The following TLN2 variants were observed in gnomAD, a reference collection of about 807,000 sequenced individuals.
The protein encoded by TLN2 is talin 2.
In TLN2, 118 loss-of-function variants were observed where a neutral mutation model predicts 294.7. That is an observed-to-expected ratio of 0.40 (90% CI 0.34 to 0.47). The LOEUF (loss-of-function observed/expected upper bound fraction) is 0.47, where lower values mean the gene tolerates loss of function less well. Among genes scored for constraint, TLN2 ranks in the 20% least tolerant of loss-of-function variants. TLN2 has a pLI of 0.84. For missense variants in TLN2, 3,083 were observed against 3,282.2 expected, an observed-to-expected ratio of 0.94 and a Z score of 1.48; for synonymous variants, 1,431 against 1,304.5, an observed-to-expected ratio of 1.10 and a Z score of -2.09.
intron 12 of TLN2, among the ~76,000 whole-genome samples, chr15:62,691,062 A>AG (rs1444987828): frequency 0.012 from 91 of 7,516 alleles, no homozygotes; most frequent in African/African-American, 0.043. Context: ...GGGGGAGGGG[A>AG]GGGGGAGGGG....
At chr15:62,729,699 A>G (rs1168945674) in intron 28 of TLN2, among the ~76,000 whole-genome samples, 1 of 152,056 alleles carries the variant, frequency 6.6e-6, no homozygotes, top group Non-Finnish European at 1.5e-5. Flanking sequence ...GTGGTGTAAC[A>G]ATCTTTTTCT....
Position 62,792,512 on chromosome 15 carries a change from C to T in TLN2, c.5737-129C>T, listed in dbSNP as rs375357293. The T allele has an allele frequency of 7.9e-6, 10 of 1,258,896 alleles. No individual in the cohort carries two copies. In the East Asian group the frequency reaches 1.9e-4, roughly 24 times the overall value. The allele number at this position is 1,258,896 out of a possible 1,614,324, so 78.0% of individuals were successfully genotyped here. The stretch of plus-strand genomic sequence containing the variant: ...AATTCCATACTTCACCAAACACAGA[C>T]TCCTAATAGGAGTGGAATTTTCCTA... On this transcript the variant is annotated intron_variant, in intron 45 of 58. Coordinates refer to ENST00000636159, the MANE Select transcript of TLN2 (RefSeq NM_015059.3).
chr15:62,577,080 G>A (rs1379094181), intron 1 of TLN2, among the ~76,000 whole-genome samples: 1 of 152,238 alleles, frequency 6.6e-6, no homozygotes, highest in Non-Finnish European at 1.5e-5. Context: ...TATGATGGCT[G>A]TAACTTTATT....
chr15:62,609,150 C>A (rs1283611937), intron 2 of TLN2, among the ~76,000 whole-genome samples: 1 of 152,018 alleles, frequency 6.6e-6, no homozygotes, highest in Non-Finnish European at 1.5e-5. Flanking sequence ...TGTTACACAG[C>A]CTTAAAAAAA....
intron 42 of TLN2, among the ~76,000 whole-genome samples, chr15:62,776,243 C>T (rs963748920): frequency 6.6e-6 from 1 of 152,164 alleles, no homozygotes; most frequent in African/African-American, 2.4e-5. Flanking sequence ...TGCATTTCTC[C>T]AACCTCATGG....
intron 40 of TLN2, 86 bp downstream of exon 40, chr15:62,763,781 A>G (rs960330061): frequency 1.1e-5 from 16 of 1,439,996 alleles, no homozygotes; most frequent in African/African-American, 1.4e-5. Flanking sequence ...TAGAGGTTGT[A>G]GGGCCAAAAT....
At chr15:62,810,331 G>A (rs560071013) in intron 52 of TLN2, among the ~76,000 whole-genome samples, 3 of 152,138 alleles carry the variant, frequency 2.0e-5, no homozygotes, top group South Asian at 2.1e-4. Flanking sequence ...CAAAGTGGGC[G>A]GGCGGCCAGT....
intron 2 of TLN2, among the ~76,000 whole-genome samples, chr15:62,603,144 G>T (rs1284055998): frequency 6.6e-6 from 1 of 151,882 alleles, no homozygotes; most frequent in Non-Finnish European, 1.5e-5. Flanking sequence ...CACCTGCCTC[G>T]GCCTCCCACA....
At chr15:62,579,260 G>A (rs1295858543) in intron 1 of TLN2, among the ~76,000 whole-genome samples, 1 of 152,154 alleles carries the variant, frequency 6.6e-6, no homozygotes, top group Non-Finnish European at 1.5e-5. Context: ...AATACATCAG[G>A]TGGCAATTTT....
chr15:62,546,407 C>A (rs2041996561), intron 1 of TLN2, among the ~76,000 whole-genome samples: 1 of 152,158 alleles, frequency 6.6e-6, no homozygotes, highest in African/African-American at 2.4e-5. Flanking sequence ...GATTGAACAG[C>A]AACTATTTGG....
chr15:62,784,011 T>G (rs1442766771), intron 45 of TLN2, 121 bp downstream of exon 45: 1 of 1,523,960 alleles, frequency 6.6e-7, no homozygotes, highest in Non-Finnish European at 8.9e-7. Flanking sequence ...GAGCCCAGTT[T>G]ATTTCCCCAC....
At chr15:62,741,419 G>A (rs1292556667) in intron 32 of TLN2, among the ~76,000 whole-genome samples, 1 of 152,172 alleles carries the variant, frequency 6.6e-6, no homozygotes, top group Non-Finnish European at 1.5e-5. Context: ...AGGGCCACAA[G>A]TTAGTTCAGT....
At chr15:62,672,549 C>T (rs1433370324) in intron 9 of TLN2, among the ~76,000 whole-genome samples, 3 of 152,140 alleles carry the variant, frequency 2.0e-5, no homozygotes, top group Admixed American at 1.3e-4. Context: ...TTATTTTGTT[C>T]TCTCTTTTTC....
chr15:62,769,269 C>G (rs776148861), intron 41 of TLN2, among the ~76,000 whole-genome samples: 1 of 152,252 alleles, frequency 6.6e-6, no homozygotes, highest in African/African-American at 2.4e-5. Flanking sequence ...GTGCTCCGTT[C>G]CCTTTGGTGG....
intron 45 of TLN2, among the ~76,000 whole-genome samples, chr15:62,787,693 CTTTTTTTTT>C (rs71672889): frequency 1.5e-5 from 1 of 65,562 alleles, no homozygotes; most frequent in African/African-American, 5.4e-5. Context: ...AACTCCTTAT[CTTTTTTTTT>C]TTTTTTTTTT....
rs748731251 is a variant in TLN2, at chr15:62,753,920, A to C, written c.4476+4A>C. The C allele has an allele frequency of 6.3e-7, 1 of 1,589,208 alleles. No individual in the cohort carries two copies. The highest frequency in any genetic ancestry group is 2.3e-5 in the East Asian group (1 of 43,802). Reference sequence around the variant, plus strand: ...CCCTGGCAGCAGCCCATCACAGGTAACTGTTGGGGAGGATGTAAGATTTCA... The same window carrying C: ...CCCTGGCAGCAGCCCATCACAGGTACCTGTTGGGGAGGATGTAAGATTTCA... On this transcript the variant is annotated splice_donor_region_variant and intron_variant, in intron 36 of 58. Coordinates refer to ENST00000636159, the MANE Select transcript of TLN2 (RefSeq NM_015059.3).
intron 1 of TLN2, among the ~76,000 whole-genome samples, chr15:62,455,474 A>G (rs1083869): frequency 0.43 from 64,854 of 151,946 alleles, 14,034 homozygotes; most frequent in East Asian, 0.71. Flanking sequence ...GGGCACCGCA[A>G]TGTATGGGGA....
intron 2 of TLN2, among the ~76,000 whole-genome samples, chr15:62,600,141 A>G (rs77464097): frequency 0.078 from 11,895 of 152,150 alleles, 595 homozygotes; most frequent in East Asian, 0.16. Flanking sequence ...ACTGAAAACA[A>G]CAGTGGGTTA....
chr15:62,462,253 C>T (rs2036851086), intron 1 of TLN2, among the ~76,000 whole-genome samples: 2 of 152,112 alleles, frequency 1.3e-5, no homozygotes, highest in African/African-American at 4.8e-5. Context: ...AATAAATAAA[C>T]ATAAAAAATC....
Sources: gnomAD v4.1 joint callset for allele counts (sites outside exome capture counted in the v4.1 genomes callset) on GRCh38, gnomAD v4.1.1 for gene constraint, MANE v1.5 for transcripts, NCBI Gene and HGNC (gene_info 2026-07-23, HGNC 2026-07-21) for gene names.